DGKH: variants seen among roughly 807,000 people sequenced by gnomAD.
The protein encoded by DGKH is diacylglycerol kinase eta, also known as DAG kinase eta.
DGKH carries 90 observed loss-of-function variants against 159.3 expected under a neutral mutation model. That is an observed-to-expected ratio of 0.57 (90% confidence interval 0.48 to 0.67). DGKH has a LOEUF of 0.67. DGKH is among the 30% of genes least tolerant of loss of function. DGKH has a pLI of 0.00. For synonymous variants in DGKH, 536 were observed against 553.8 expected (o/e 0.97, Z 0.45); for missense variants, 1,181 against 1,506.1 (o/e 0.78, Z 3.57).
intron 1 of DGKH, among the ~76,000 whole-genome samples, chr13:42,065,179 C>T (rs1336755753): frequency 6.6e-6 from 1 of 152,186 alleles, no homozygotes; most frequent in Non-Finnish European, 1.5e-5. Flanking sequence ...ATCTTCCAGT[C>T]ACAGGGAAAG....
At chr13:42,130,490 C>A (rs1955266911) in intron 3 of DGKH, among the ~76,000 whole-genome samples, 1 of 152,174 alleles carries the variant, frequency 6.6e-6, no homozygotes, top group South Asian at 2.1e-4. Flanking sequence ...CGTCGTTCAG[C>A]CCAATTTCAT....
At chr13:42,065,580 A>G (rs188589694) in intron 1 of DGKH, among the ~76,000 whole-genome samples, 38 of 152,278 alleles carry the variant, frequency 2.5e-4, no homozygotes, top group Non-Finnish European at 4.3e-4. Context: ...TTAAGGCCCC[A>G]GGGTGTGTGG....
rs1279382866 is a variant in DGKH, at chr13:42,214,621, C to A, written c.3120+9C>A. 1 of 1,609,560 alleles carries A rather than the reference C, an allele frequency of 6.2e-7. No homozygotes were observed. Among genetic ancestry groups the A allele is most frequent in the African/African-American group, 1.3e-5 (1 of 74,788 alleles). On this transcript the variant is annotated intron_variant, in intron 25 of 29. Coordinates refer to ENST00000337343, the MANE Select transcript of DGKH (RefSeq NM_178009.5). ...ACCCAAGGTGCCCGGAGGTGAGGAT[C>A]TAATGGTAAATTCTCATTCCACAGA... is the stretch of plus-strand genomic sequence containing the variant.
chr13:42,052,533 G>A (rs187477156), intron 1 of DGKH, among the ~76,000 whole-genome samples: 47 of 152,310 alleles, frequency 3.1e-4, no homozygotes, highest in African/African-American at 1.1e-3. Flanking sequence ...CCTAACACTT[G>A]TCATATCTCT....
rs1028161717 is a variant in DGKH, at chr13:42,241,717, T to G, written c.*12529T>G. 6.6e-6 allele frequency: 1 copy of G among 152,230 alleles called. No homozygotes were observed. The highest frequency in any genetic ancestry group is 6.5e-5 in the Admixed American group (1 of 15,278). 9.4% of individuals were successfully genotyped at this position (152,230 alleles called of 1,614,324 possible). ...TTGAAGATGTGCGTTGATGTTTCCT[T>G]GATTATTTTGAATGAGGAGTAGGCG... On this transcript the variant is annotated 3_prime_UTR_variant, in exon 30 of 30. Coordinates refer to ENST00000337343, the MANE Select transcript of DGKH (RefSeq NM_178009.5).
intron 28 of DGKH, 80 bp downstream of exon 28, chr13:42,219,874 A>C: frequency 8.0e-7 from 1 of 1,256,154 alleles, no homozygotes; most frequent in Non-Finnish European, 1.1e-6. Context: ...GGTCGTGAAA[A>C]TGTTCTGGAG....
chr13:42,047,416 G>A (rs1880864576), upstream of DGKH, among the ~76,000 whole-genome samples: 1 of 152,212 alleles, frequency 6.6e-6, no homozygotes, highest in East Asian at 1.9e-4. Context: ...TGAAAGGCAT[G>A]AACATAACAG....
intron 1 of DGKH, among the ~76,000 whole-genome samples, chr13:42,077,018 C>G (rs530793029): frequency 6.6e-6 from 1 of 152,170 alleles, no homozygotes; most frequent in South Asian, 2.1e-4. Flanking sequence ...TTCTTCATCA[C>G]CTTTTATAGA....
Position 42,189,058 on chromosome 13 carries a change from T to G in DGKH, c.1661T>G (p.Leu554Arg), listed in dbSNP as rs1218449569. 1 of 1,614,114 alleles carries G rather than the reference T, an allele frequency of 6.2e-7. No homozygotes were observed. Among genetic ancestry groups the G allele is most frequent in the African/African-American group, 1.3e-5 (1 of 74,952 alleles). Residue 554 changes from leucine (L) to arginine (R), a missense_variant, in exon 15 of 30, where the codon CTC (leucine) becomes CGC (arginine). This residue lies in a region of DGKH where 257 missense variants were observed against 281.5 expected (regional missense o/e 0.91). Transcript: ENST00000337343. ...ASKCSVLNEK[L>R]EQLLQALHTD... ...CAGTGTTCAGTCCTAAACGAGAAGC[T>G]CGAACAACTGCTGCAGGCTTTGCAC...
intron 3 of DGKH, among the ~76,000 whole-genome samples, chr13:42,146,330 C>G (rs556629782): frequency 6.6e-6 from 1 of 152,246 alleles, no homozygotes; most frequent in African/African-American, 2.4e-5. Flanking sequence ...AATATCAGGA[C>G]ACACACTTTA....
chr13:42,242,109 AG>A lies in DGKH; in HGVS notation c.*12923del, dbSNP rs1958524573. ...GACTTTGTACAAGGTCCACAAAAGG[AG>A]GAGGCTCAAAAGATTGGACACTTTA... On this transcript the variant is annotated 3_prime_UTR_variant, in exon 30 of 30. Transcript: ENST00000337343. The A allele has an allele frequency of 6.6e-6, 1 of 152,234 alleles. No individual in the cohort carries two copies. Among genetic ancestry groups the A allele is most frequent in the African/African-American group, 2.4e-5 (1 of 41,464 alleles). 9.4% of individuals were successfully genotyped at this position (152,234 alleles called of 1,614,324 possible). A position where few individuals can be genotyped will look rare whatever the true frequency, so the allele number is the denominator to read the frequency against.
chr13:42,130,685 C>T (rs905100935), intron 3 of DGKH, among the ~76,000 whole-genome samples: 14 of 151,992 alleles, frequency 9.2e-5, no homozygotes, highest in Non-Finnish European at 1.0e-4. Flanking sequence ...AGGTGCACAG[C>T]GGTGCCATGA....
In DGKH at chr13:42,230,790, C is replaced by T. The variant is rs1292796102; in HGVS notation, c.*1602C>T. The T allele has an allele frequency of 2.0e-5, 3 of 151,780 alleles. No individual in the cohort carries two copies. Among genetic ancestry groups the T allele is most frequent in the Non-Finnish European group, 2.9e-5 (2 of 67,964 alleles). The allele number at this position is 151,780 out of a possible 1,614,324, so 9.4% of individuals were successfully genotyped here. A position where few individuals can be genotyped will look rare whatever the true frequency, so the allele number is the denominator to read the frequency against. On this transcript the variant is annotated 3_prime_UTR_variant, in exon 30 of 30. Transcript: ENST00000337343. ...ATTGATATTTTCTAGACAATTATTT[C>T]CCCAGTGTTTAAAGAGAAATACTAA...
intron 7 of DGKH, among the ~76,000 whole-genome samples, chr13:42,161,303 A>G (rs569882865): frequency 7.9e-5 from 12 of 152,316 alleles, no homozygotes; most frequent in African/African-American, 1.9e-4. Flanking sequence ...TACATTTACT[A>G]AAGTCGATTT....
chr13:42,148,875 G>A (rs2137921399), intron 3 of DGKH, among the ~76,000 whole-genome samples: 1 of 151,166 alleles, frequency 6.6e-6, no homozygotes, highest in South Asian at 2.1e-4. Context: ...CCTCCTTGTG[G>A]CTTCTTCCCC....
At chr13:42,076,746 T>TA (rs1566088767) in intron 1 of DGKH, among the ~76,000 whole-genome samples, 1 of 152,126 alleles carries the variant, frequency 6.6e-6, no homozygotes, top group Admixed American at 6.5e-5. Context: ...AATATTGGTT[T>TA]AAAAAAAGTA....
chr13:42,119,196 G>A (rs1245316289), intron 1 of DGKH, among the ~76,000 whole-genome samples: 6 of 152,142 alleles, frequency 3.9e-5, no homozygotes, highest in Admixed American at 2.0e-4. Context: ...CAGGCTTCCC[G>A]TATTTCTCCT....
intron 1 of DGKH, among the ~76,000 whole-genome samples, chr13:42,040,471 T>C (rs1224970602): frequency 1.3e-5 from 2 of 150,304 alleles, no homozygotes; most frequent in Non-Finnish European, 3.0e-5. Flanking sequence ...GGGTCACGTG[T>C]GTCCCGGGCC....
At chr13:42,043,406 T>G (rs1488418248) in intron 1 of DGKH, among the ~76,000 whole-genome samples, 1 of 152,112 alleles carries the variant, frequency 6.6e-6, no homozygotes, top group Non-Finnish European at 1.5e-5. Context: ...CAGGCTGGAG[T>G]GCAGTGGTAT....
Sources: gnomAD v4.1 joint callset for allele counts (sites outside exome capture counted in the v4.1 genomes callset) on GRCh38, gnomAD v4.1.1 for gene constraint, gnomAD v4.1.1 regional missense constraint, MANE v1.5 for transcripts, NCBI Gene and HGNC (gene_info 2026-07-23, HGNC 2026-07-21) for gene names.